The following PTAR1 variants were observed in gnomAD, a reference collection of about 807,000 sequenced individuals.
PTAR1 encodes the protein protein prenyltransferase alpha subunit repeat containing 1.
Under a neutral mutation model 45.5 loss-of-function variants are expected in PTAR1, and 17 were observed. That is an observed-to-expected ratio of 0.37 (90% CI 0.26 to 0.56). The LOEUF is 0.56. Ranked by LOEUF, PTAR1 falls within the 20% of genes least tolerant of loss-of-function variation. The pLI, the probability that PTAR1 is intolerant of heterozygous loss-of-function variation, is 0.77. For missense variants in PTAR1, 391 were observed against 476.3 expected (o/e 0.82, Z 1.67); for synonymous variants, 169 against 171.3 (o/e 0.99, Z 0.11).
At chr9:69,748,708 A>T (rs899957664) in intron 2 of PTAR1, among the ~76,000 whole-genome samples, 1 of 152,112 alleles carries the variant, frequency 6.6e-6, no homozygotes, top group African/African-American at 2.4e-5. Flanking sequence ...TAGCATTTTC[A>T]TGAAATAACT....
intron 3 of PTAR1, 130 bp from the exon 4 acceptor site, chr9:69,734,384 A>C: frequency 2.1e-6 from 1 of 487,566 alleles, no homozygotes; most frequent in South Asian, 5.0e-5. Context: ...CAAAAAAAGA[A>C]AGAAAAAAAG....
chr9:69,721,545 C>T (rs576934364), intron 6 of PTAR1, among the ~76,000 whole-genome samples: 132 of 152,286 alleles, frequency 8.7e-4, no homozygotes, highest in Middle Eastern at 3.4e-3. Flanking sequence ...ACTCCAATTT[C>T]GAAATAAGTT....
rs762931672 is a variant in PTAR1, at chr9:69,750,892, G to C, written c.145C>G (p.Leu49Val). ...TCCACACCCAGTTTGTTTTCAACCA[G>C]GACTATGGGACTCCGGTTATACCTA... ...EARYNRSPIV[L>V]VENKLGVESW... The change falls in exon 2 of 8, where the codon CTG becomes GTG. Residue 49 changes from leucine to valine, a missense_variant. Leu to Val is a conservative substitution (Grantham distance 32). Transcript: ENST00000340434. The C allele has an allele frequency of 1.2e-6, 2 of 1,609,826 alleles. No individual in the cohort carries two copies. Among genetic ancestry groups the C allele is most frequent in the Non-Finnish European group, 1.7e-6 (2 of 1,177,738 alleles).
chr9:69,718,761 C>T (rs1824841994), intron 6 of PTAR1, 77 bp from the exon 7 acceptor site: 2 of 1,204,332 alleles, frequency 1.7e-6, no homozygotes, highest in Non-Finnish European at 1.1e-6. Context: ...AAAAAGTTTG[C>T]AATTTCAAAA....
chr9:69,726,850 T>C (rs1470902539), intron 5 of PTAR1, among the ~76,000 whole-genome samples: 1 of 152,024 alleles, frequency 6.6e-6, no homozygotes, highest in Non-Finnish European at 1.5e-5. Flanking sequence ...ATATTAAAGA[T>C]ATTAAGTCTC....
At chr9:69,742,429 T>C (rs1826083361) in intron 2 of PTAR1, among the ~76,000 whole-genome samples, 1 of 152,138 alleles carries the variant, frequency 6.6e-6, no homozygotes, top group Non-Finnish European at 1.5e-5. Context: ...CTAGAGTATG[T>C]ATTTTTAACA....
Position 69,741,798 on chromosome 9 carries a change from T to C in PTAR1, c.317A>G (p.Asn106Ser). The change falls in exon 3 of 8, where the codon AAC (asparagine) becomes AGC (serine). Residue 106 changes from asparagine to serine, a missense_variant. Around this residue, in one of 5 missense-constraint regions of PTAR1, gnomAD observed 152 missense variants for 160.0 expected, o/e 0.95. Transcript: ENST00000340434. ...ACTAATGAAAATGACATACCTCACGTTCCATGCAGTGGTAAAGTCTGGGTT... is the reference window on the plus strand; with the variant it reads ...ACTAATGAAAATGACATACCTCACGCTCCATGCAGTGGTAAAGTCTGGGTT... ...LLNPDFTTAW[N>S]VRKELILSGT... The C allele has an allele frequency of 6.3e-7, 1 of 1,592,840 alleles. No homozygotes were observed. Among genetic ancestry groups the C allele is most frequent in the Non-Finnish European group, 8.6e-7 (1 of 1,165,704 alleles).
chr9:69,759,389 T>A (rs546871043), intron 1 of PTAR1, among the ~76,000 whole-genome samples: 1 of 152,152 alleles, frequency 6.6e-6, no homozygotes, highest in African/African-American at 2.4e-5. Context: ...CACCTTTAGT[T>A]AGTAAACTGA....
chr9:69,720,615 A>G (rs1824951738), intron 6 of PTAR1, among the ~76,000 whole-genome samples: 1 of 152,238 alleles, frequency 6.6e-6, no homozygotes, highest in Admixed American at 6.5e-5. Context: ...CCTTCTATTG[A>G]AAGATGCCAT....
At position 69,715,807 on chromosome 9, in the gene PTAR1, T is replaced by C. The variant is rs970199131; in HGVS notation, c.*2535A>G. The C allele has an allele frequency of 3.3e-5, 5 of 152,078 alleles. No homozygotes were observed. Among genetic ancestry groups the C allele is most frequent in the Admixed American group, 3.3e-4 (5 of 15,242 alleles). The allele number at this position is 152,078 out of a possible 1,614,324, so 9.4% of individuals were successfully genotyped here. ...GGGCAATATTAGGATTTTCTGTGAA[T>C]GAACAATTAAAAAATGCAAACTCTA... On this transcript the variant is annotated 3_prime_UTR_variant, in exon 8 of 8. Transcript: ENST00000340434.
chr9:69,744,426 T>A (rs1044264468), intron 2 of PTAR1, among the ~76,000 whole-genome samples: 3 of 151,412 alleles, frequency 2.0e-5, no homozygotes, highest in African/African-American at 7.3e-5. Flanking sequence ...CACTTTGTAG[T>A]ACAAGTTGGA....
intron 4 of PTAR1, 150 bp downstream of exon 4, chr9:69,734,000 T>C (rs1006874192): frequency 2.9e-5 from 16 of 558,848 alleles, no homozygotes; most frequent in Non-Finnish European, 4.8e-5. Flanking sequence ...AGGTAGCAAG[T>C]TATATAGCTC....
At chr9:69,759,075 C>T (rs1037638070) in intron 1 of PTAR1, among the ~76,000 whole-genome samples, 8 of 152,114 alleles carry the variant, frequency 5.3e-5, no homozygotes, top group African/African-American at 1.9e-4. Flanking sequence ...AAAAAGTAGA[C>T]TCTTGCGGTA....
chr9:69,753,592 T>C (rs1333259032), intron 1 of PTAR1, among the ~76,000 whole-genome samples: 1 of 152,164 alleles, frequency 6.6e-6, no homozygotes, highest in Non-Finnish European at 1.5e-5. Context: ...AATGGTAGAA[T>C]TGTATTATAC....
chr9:69,750,406 A>G (rs913166621), intron 2 of PTAR1, among the ~76,000 whole-genome samples: 1 of 152,106 alleles, frequency 6.6e-6, no homozygotes, highest in Non-Finnish European at 1.5e-5. Context: ...CTATAAAAAT[A>G]CTAAAGGATT....
In PTAR1 at chr9:69,756,547, A is replaced by C. The variant is rs948698946; in HGVS notation, c.86+3306T>G. On this transcript the variant is annotated intron_variant, in intron 1 of 7. Coordinates refer to ENST00000340434, the MANE Select transcript of PTAR1 (RefSeq NM_001099666.2). ...AATGGAATGAAAGAAATTAAATGAG[A>C]GTCAAGGATCTCCATAATCTGGCCC... is the stretch of plus-strand genomic sequence containing the variant. 5.9e-5 allele frequency among the ~76,000 whole-genome samples: 9 copies of C among 152,168 alleles called. No homozygotes were observed. In the East Asian group the frequency reaches 1.5e-3, roughly 26 times the overall value.
At chr9:69,724,895 A>T (rs1414082275) in intron 5 of PTAR1, among the ~76,000 whole-genome samples, 2 of 152,232 alleles carry the variant, frequency 1.3e-5, no homozygotes, top group Non-Finnish European at 1.5e-5. Flanking sequence ...TGTATCAGTG[A>T]TATGTTTTAA....
chr9:69,759,551 C>A (rs1019409995), intron 1 of PTAR1, among the ~76,000 whole-genome samples: 1 of 152,170 alleles, frequency 6.6e-6, no homozygotes, highest in Non-Finnish European at 1.5e-5. Context: ...TGTCGACCTA[C>A]GGGGGACGTC....
At position 69,712,117 on chromosome 9, in the gene PTAR1, A is replaced by T. The variant is rs1437989811; in HGVS notation, c.*6225T>A. 1 of 152,148 alleles carries T rather than the reference A, an allele frequency of 6.6e-6. No individual in the cohort carries two copies. The highest frequency in any genetic ancestry group is 1.5e-5 in the Non-Finnish European group (1 of 68,008). The allele number at this position is 152,148 out of a possible 1,614,324, so 9.4% of individuals were successfully genotyped here. On this transcript the variant is annotated 3_prime_UTR_variant, in exon 8 of 8. Transcript: ENST00000340434. ...TGAAATTATATGACAAGTAAACCTC[A>T]AATTTATTACCTATCACCTTATAAT...
Sources: allele counts gnomAD v4.1 joint callset (sites outside exome capture counted in the v4.1 genomes callset), GRCh38; gene constraint gnomAD v4.1.1; regional missense constraint gnomAD v4.1.1; transcripts MANE v1.5; gene names NCBI Gene and HGNC (gene_info 2026-07-23, HGNC 2026-07-21).